Variants in CERS6 observed in about 807,000 individuals in gnomAD.
CERS6 encodes the protein LAG1 homolog, ceramide synthase 6.
A neutral mutation model predicts 56.8 loss-of-function variants in CERS6; 26 were observed. The ratio of observed to expected loss-of-function variants is 0.46; its 90% CI spans 0.34 to 0.63. The LOEUF (loss-of-function observed/expected upper bound fraction) is 0.63, where lower values mean the gene tolerates loss of function less well. Among genes scored for constraint, CERS6 ranks in the 30% least tolerant of loss-of-function variants. CERS6 has a pLI of 0.01. For missense variants in CERS6, 415 were observed against 467.5 expected, an observed-to-expected ratio of 0.89 and a Z score of 1.04; for synonymous variants, 164 against 173.3, an observed-to-expected ratio of 0.95 and a Z score of 0.42.
intron 2 of CERS6, among the ~76,000 whole-genome samples, chr2:168,547,921 C>A (rs930525182): frequency 2.0e-5 from 3 of 152,156 alleles, no homozygotes; most frequent in Non-Finnish European, 4.4e-5. Context: ...TAGTAGCTCA[C>A]CTGAGAATAG....
In CERS6 at chr2:168,456,583, C is replaced by T. The variant is rs142396663; in HGVS notation, c.135C>T (p.Ala45=). ...AEDLYLAFPL[A]FCIFMVRLIF... ...ACCTCTATCTCGCTTTTCCCCTGGC[C>T]TTCTGTATCTTCATGGTGCGGCTCA... is the stretch of plus-strand genomic sequence containing the variant. The change falls in exon 1 of 10, where the codon GCC becomes GCT. Residue 45 remains alanine (A), a synonymous_variant. Transcript: ENST00000305747. This position sits in a 1 kb window ranked among gnomAD's most constrained non-coding sequence, Gnocchi z 4.1. 3.7e-6 allele frequency: 6 copies of T among 1,613,790 alleles called. No individual in the cohort carries two copies. The African/African-American group carries it at 6.7e-5, about 18-fold the overall frequency.
chr2:168,478,903 A>G (rs547440032), intron 1 of CERS6, among the ~76,000 whole-genome samples: 20 of 152,360 alleles, frequency 1.3e-4, no homozygotes, highest in African/African-American at 4.6e-4. Flanking sequence ...TTTAACAAAA[A>G]TTCTCTCTGA....
intron 3 of CERS6, among the ~76,000 whole-genome samples, chr2:168,589,461 G>T (rs1683622941): frequency 6.6e-6 from 1 of 152,176 alleles, no homozygotes; most frequent in African/African-American, 2.4e-5. Context: ...CCCCTTCTCT[G>T]ACTGCCTCCC....
intron 4 of CERS6, among the ~76,000 whole-genome samples, chr2:168,662,093 C>T (rs1321158332): frequency 6.7e-6 from 1 of 148,928 alleles, no homozygotes; most frequent in Non-Finnish European, 1.5e-5. Context: ...TCAGCTGAGA[C>T]CTTTGAGGCC....
At chr2:168,475,378 T>C (rs754708375) in intron 1 of CERS6, among the ~76,000 whole-genome samples, 1 of 152,160 alleles carries the variant, frequency 6.6e-6, no homozygotes, top group Non-Finnish European at 1.5e-5. Context: ...AAAGCCATCC[T>C]AGACTGTCTC....
At chr2:168,563,763 C>T in intron 3 of CERS6, among the ~76,000 whole-genome samples, 1 of 152,098 alleles carries the variant, frequency 6.6e-6, no homozygotes. Flanking sequence ...CACCACTGCA[C>T]TCCAGCTTGG....
chr2:168,535,004 C>T (rs984007242), intron 1 of CERS6, among the ~76,000 whole-genome samples: 3 of 152,236 alleles, frequency 2.0e-5, no homozygotes, highest in African/African-American at 7.2e-5. Context: ...TGCAGTCTGC[C>T]ACAGCCGGTG....
At chr2:168,634,753 G>A (rs370201965) in intron 4 of CERS6, among the ~76,000 whole-genome samples, 8 of 152,118 alleles carry the variant, frequency 5.3e-5, no homozygotes, top group African/African-American at 1.2e-4. Context: ...TCGCACACAC[G>A]CATGTATGTA....
At chr2:168,580,854 G>A (rs1574078642) in intron 3 of CERS6, among the ~76,000 whole-genome samples, 1 of 151,984 alleles carries the variant, frequency 6.6e-6, no homozygotes, top group Admixed American at 6.6e-5. Flanking sequence ...TTGCCACAGA[G>A]AAGCCATAGT....
intron 6 of CERS6, among the ~76,000 whole-genome samples, chr2:168,699,190 A>G (rs1460036944): frequency 6.6e-6 from 1 of 152,156 alleles, no homozygotes; most frequent in East Asian, 1.9e-4. Flanking sequence ...TCTAGCCATT[A>G]GTGAGGATTT....
intron 1 of CERS6, among the ~76,000 whole-genome samples, chr2:168,519,216 A>C (rs769809613): frequency 2.6e-5 from 4 of 152,080 alleles, no homozygotes; most frequent in African/African-American, 4.8e-5. Context: ...GCATTTTTCA[A>C]ATTGTTTTCC....
chr2:168,558,674 C>T (rs1287668624), intron 2 of CERS6, among the ~76,000 whole-genome samples: 7 of 152,162 alleles, frequency 4.6e-5, no homozygotes, highest in Non-Finnish European at 8.8e-5. Context: ...TCGAGACCAT[C>T]CTGGCTAACA....
intron 3 of CERS6, among the ~76,000 whole-genome samples, chr2:168,625,025 A>G (rs1684559646): frequency 6.6e-6 from 1 of 152,156 alleles, no homozygotes; most frequent in South Asian, 2.1e-4. Flanking sequence ...CAGCGCAGTG[A>G]TTTATATTGT....
At chr2:168,618,361 A>T (rs1047483557) in intron 3 of CERS6, among the ~76,000 whole-genome samples, 1 of 152,204 alleles carries the variant, frequency 6.6e-6, no homozygotes, top group Non-Finnish European at 1.5e-5. Flanking sequence ...TCTTCAACAT[A>T]GTACTGGAAT....
chr2:168,748,210 T>G (rs2105441152), intron 8 of CERS6, among the ~76,000 whole-genome samples: 1 of 152,314 alleles, frequency 6.6e-6, no homozygotes, highest in East Asian at 1.9e-4. Flanking sequence ...GCCTTGGCTA[T>G]TGCTCTTTCT....
chr2:168,752,279 A>AT lies in CERS6; in HGVS notation c.846-13312dup, dbSNP rs758179740. ...CAGACCCCATCTTTTAAAAAAATAA[A>AT]TGTGTGTGTGTGTGTGTGTGTGTGT... On this transcript the variant is annotated intron_variant, in intron 8 of 9. Coordinates refer to ENST00000305747, the MANE Select transcript of CERS6 (RefSeq NM_203463.3). Among the ~76,000 whole-genome samples, 18 of 132,632 alleles carry AT rather than the reference A, an allele frequency of 1.4e-4. No individual in the cohort carries two copies. The East Asian group carries it at 3.4e-3, about 25-fold the overall frequency. The allele number at this position is 132,632 out of a possible 152,430, so 87.0% of individuals were successfully genotyped here.
In CERS6 at chr2:168,616,923, C is replaced by G. The variant is rs568046116; in HGVS notation, c.408-14062C>G. The stretch of plus-strand genomic sequence containing the variant: ...TACACAACATGCTACCCAACAACCA[C>G]AGAATATGCATTTGATTCATCAGCA... On this transcript the variant is annotated intron_variant, in intron 3 of 9. Transcript: ENST00000305747. Among the ~76,000 whole-genome samples, 3 of 152,280 alleles carry G rather than the reference C, an allele frequency of 2.0e-5. No individual in the cohort carries two copies. The South Asian group carries it at 6.2e-4, about 32-fold the overall frequency.
At chr2:168,646,588 T>C (rs1685209412) in intron 4 of CERS6, among the ~76,000 whole-genome samples, 1 of 152,238 alleles carries the variant, frequency 6.6e-6, no homozygotes, top group African/African-American at 2.4e-5. Context: ...TTGCTTTTGG[T>C]ATCTTCGTCA....
At chr2:168,701,008 C>T (rs910003366) in intron 6 of CERS6, among the ~76,000 whole-genome samples, 11 of 152,032 alleles carry the variant, frequency 7.2e-5, no homozygotes, top group African/African-American at 1.5e-4. Context: ...TGATTTGAGC[C>T]GCTTCTGGGC....
Sources: allele counts gnomAD v4.1 joint callset (sites outside exome capture counted in the v4.1 genomes callset), GRCh38; gene constraint gnomAD v4.1.1; non-coding constraint Gnocchi (gnomAD v3.1); transcripts MANE v1.5; gene names NCBI Gene and HGNC (gene_info 2026-07-23, HGNC 2026-07-21).